The following GRM1 variants were observed in gnomAD, a reference collection of about 807,000 sequenced individuals.
GRM1 encodes metabotropic glutamate receptor 1.
GRM1 carries 33 observed loss-of-function variants against 90.9 expected under a neutral mutation model. That is an observed-to-expected ratio of 0.36 (90% confidence interval 0.28 to 0.49). The LOEUF (loss-of-function observed/expected upper bound fraction) is 0.49. Among genes scored for constraint, GRM1 ranks in the 20% least tolerant of loss-of-function variants. The pLI, the probability that GRM1 is intolerant of heterozygous loss-of-function variation, is 0.99. For missense variants in GRM1, 1,190 were observed against 1,534.3 expected, an observed-to-expected ratio of 0.78 and a Z score of 3.75; for synonymous variants, 700 against 613.2, an observed-to-expected ratio of 1.14 and a Z score of -2.09.
intron 1 of GRM1, among the ~76,000 whole-genome samples, chr6:146,092,179 G>A (rs2128867718): frequency 6.6e-6 from 1 of 152,142 alleles, no homozygotes; most frequent in Admixed American, 6.6e-5. Context: ...CTGGTATCTG[G>A]TGAAGCCCTG....
chr6:146,117,259 C>T (rs903853081), intron 1 of GRM1, among the ~76,000 whole-genome samples: 1 of 151,280 alleles, frequency 6.6e-6, no homozygotes, highest in Non-Finnish European at 1.5e-5. Flanking sequence ...TGCTATATTA[C>T]AATAAGGAAT....
intron 1 of GRM1, among the ~76,000 whole-genome samples, chr6:146,054,697 A>G (rs1017990099): frequency 3.5e-4 from 54 of 152,248 alleles, no homozygotes; most frequent in African/African-American, 1.2e-3. Flanking sequence ...GGGAGATCCA[A>G]TGTACACTGG....
At chr6:146,341,703 A>C (rs543758841) in intron 3 of GRM1, among the ~76,000 whole-genome samples, 21 of 152,244 alleles carry the variant, frequency 1.4e-4, no homozygotes, top group Admixed American at 5.9e-4. Context: ...GAGATGCTAA[A>C]CTCCGTATGT....
chr6:146,216,479 A>T (rs9497491), intron 2 of GRM1, among the ~76,000 whole-genome samples: 4,627 of 152,290 alleles, frequency 0.03, 248 homozygotes, highest in African/African-American at 0.11. Flanking sequence ...CTACATTGTC[A>T]TCTTCTTTTG....
rs531243697 is a variant in GRM1, at chr6:146,135,920, C to T, written c.701-23428C>T. ...TACCCATTAACTATCCCCACTTTCCCCTCACCCCCCAACTACCCTTCCCAG... is the reference window on the plus strand; with the variant it reads ...TACCCATTAACTATCCCCACTTTCCTCTCACCCCCCAACTACCCTTCCCAG... On this transcript the variant is annotated intron_variant, in intron 1 of 7. Transcript: ENST00000282753. 5.7e-4 allele frequency among the ~76,000 whole-genome samples: 87 copies of T among 152,180 alleles called. 1 individual carries two copies. In the South Asian group the frequency reaches 0.018, roughly 31 times the overall value.
chr6:146,040,264 A>G (rs1238045846), intron 1 of GRM1, among the ~76,000 whole-genome samples: 1 of 152,060 alleles, frequency 6.6e-6, no homozygotes, highest in Non-Finnish European at 1.5e-5. Flanking sequence ...CTATAGAAAC[A>G]GTGTTCTGTA....
chr6:146,037,224 A>G (rs1790923100), intron 1 of GRM1, among the ~76,000 whole-genome samples: 2 of 152,070 alleles, frequency 1.3e-5, no homozygotes, highest in South Asian at 4.1e-4. Context: ...ATGAATATTA[A>G]GCAAGTCCAA....
chr6:146,076,626 G>A (rs139083347), intron 1 of GRM1, among the ~76,000 whole-genome samples: 11 of 152,302 alleles, frequency 7.2e-5, no homozygotes, highest in African/African-American at 2.2e-4. Flanking sequence ...GCAGAAGCCA[G>A]TGGAGCAAGT....
At chr6:146,043,245 A>G (rs1159314072) in intron 1 of GRM1, among the ~76,000 whole-genome samples, 1 of 151,980 alleles carries the variant, frequency 6.6e-6, no homozygotes, top group Non-Finnish European at 1.5e-5. Flanking sequence ...TGCAGTGAGC[A>G]ATGATGCATT....
At chr6:146,426,123 A>T (rs1489128330) in intron 7 of GRM1, among the ~76,000 whole-genome samples, 1 of 152,242 alleles carries the variant, frequency 6.6e-6, no homozygotes, top group African/African-American at 2.4e-5. Flanking sequence ...TCATTATGCC[A>T]TAATATGCAG....
chr6:146,124,901 A>G (rs997590029), intron 1 of GRM1, among the ~76,000 whole-genome samples: 1 of 152,208 alleles, frequency 6.6e-6, no homozygotes, highest in Non-Finnish European at 1.5e-5. Context: ...TTCTTGAAAT[A>G]TGAAAATTTT....
intron 2 of GRM1, among the ~76,000 whole-genome samples, chr6:146,177,619 C>G (rs572877974): frequency 6.6e-6 from 1 of 152,164 alleles, no homozygotes; most frequent in East Asian, 1.9e-4. Context: ...AATTGCATTC[C>G]TTTCTCAGTT....
At chr6:146,069,806 A>G (rs1459055322) in intron 1 of GRM1, among the ~76,000 whole-genome samples, 1 of 152,172 alleles carries the variant, frequency 6.6e-6, no homozygotes, top group Non-Finnish European at 1.5e-5. Context: ...TATTTCTATG[A>G]CCACTATTTT....
intron 2 of GRM1, among the ~76,000 whole-genome samples, chr6:146,247,819 TAA>T (rs945970765): frequency 1.9e-4 from 28 of 144,598 alleles, no homozygotes; most frequent in African/African-American, 6.7e-4. Context: ...TATATATATA[TAA>T]AATTACATAT....
rs1207839957 is a variant in GRM1 at position 146,136,410 on chromosome 6, G to A, written c.701-22938G>A. 3.3e-5 allele frequency among the ~76,000 whole-genome samples: 5 copies of A among 152,270 alleles called. No homozygotes were observed. The East Asian group carries it at 9.6e-4, about 29-fold the overall frequency. ...ACATCCCTACCAACAGTGTATGAGG[G>A]TTCCCTTTCCTTCACATCCTCACCA... On this transcript the variant is annotated intron_variant, in intron 1 of 7. Transcript: ENST00000282753.
chr6:146,410,691 G>C (rs1212066671), intron 7 of GRM1, among the ~76,000 whole-genome samples: 1 of 152,078 alleles, frequency 6.6e-6, no homozygotes, highest in East Asian at 1.9e-4. Flanking sequence ...GATTAAGAAA[G>C]AGGGGGTTAA....
At chr6:146,252,546 A>G (rs1187643132) in intron 2 of GRM1, among the ~76,000 whole-genome samples, 4 of 152,172 alleles carry the variant, frequency 2.6e-5, no homozygotes, top group Non-Finnish European at 5.9e-5. Context: ...CGGGAGGCAG[A>G]GGTTGCAGTG....
In GRM1 at chr6:146,430,206, G is replaced by C. The variant is rs568952355; in HGVS notation, c.2661-3666G>C. ...AAGTGCCGTAAATATTGGGTTTTCTGTTTGGGGGATTGCGATAGCTAACTA... is the reference window on the plus strand; with the variant it reads ...AAGTGCCGTAAATATTGGGTTTTCTCTTTGGGGGATTGCGATAGCTAACTA... On this transcript the variant is annotated intron_variant, in intron 7 of 7. Coordinates refer to ENST00000282753, the MANE Select transcript of GRM1 (RefSeq NM_001278064.2). Among the ~76,000 whole-genome samples, 10 of 152,298 alleles carry C rather than the reference G, an allele frequency of 6.6e-5. No homozygotes were observed. In the South Asian group the frequency reaches 1.9e-3, roughly 28 times the overall value.
intron 2 of GRM1, among the ~76,000 whole-genome samples, chr6:146,303,165 C>T (rs1783454490): frequency 6.6e-6 from 1 of 152,100 alleles, no homozygotes; most frequent in Admixed American, 6.5e-5. Flanking sequence ...GCTAAGAGTA[C>T]ATTTATCTCA....
Sources: gnomAD v4.1 joint callset for allele counts (sites outside exome capture counted in the v4.1 genomes callset) on GRCh38, gnomAD v4.1.1 for gene constraint, MANE v1.5 for transcripts, NCBI Gene and HGNC (gene_info 2026-07-23, HGNC 2026-07-21) for gene names.